The following FAT3 variants were observed in gnomAD, a reference collection of about 807,000 sequenced individuals.
FAT3 encodes FAT atypical cadherin 3, also known as protocadherin Fat 3.
FAT3 carries 95 observed loss-of-function variants against 310.2 expected under a neutral mutation model. The observed-to-expected ratio is 0.31, with a 90% CI of 0.26 to 0.36. The LOEUF (loss-of-function observed/expected upper bound fraction) is 0.36, where lower values mean the gene tolerates loss of function less well. FAT3 is among the 10% of genes least tolerant of loss of function. The probability of loss-of-function intolerance (pLI) is 1.00; values close to 1 mark genes in which losing one functional copy is unlikely to be tolerated. For missense variants in FAT3, 5,408 were observed against 5,715.6 expected (o/e 0.95, Z 1.74); for synonymous variants, 2,314 against 2,192.9 (o/e 1.06, Z -1.54).
At chr11:92,512,227 A>T (rs576330876) in intron 2 of FAT3, among the ~76,000 whole-genome samples, 3 of 152,078 alleles carry the variant, frequency 2.0e-5, no homozygotes, top group Admixed American at 6.6e-5. Context: ...TATAATATAG[A>T]CAGAGTTGCC....
intron 3 of FAT3, among the ~76,000 whole-genome samples, chr11:92,646,009 A>G (rs1942148979): frequency 6.6e-6 from 1 of 152,198 alleles, no homozygotes; most frequent in African/African-American, 2.4e-5. Flanking sequence ...GATGCTTATG[A>G]CTGATTTGCT....
intron 3 of FAT3, among the ~76,000 whole-genome samples, chr11:92,632,581 G>T (rs569069005): frequency 6.6e-6 from 1 of 152,344 alleles, no homozygotes; most frequent in South Asian, 2.1e-4. Flanking sequence ...CAGAAGGTGA[G>T]GCCTCCTTGG....
At chr11:92,577,520 G>A (rs946588875) in intron 3 of FAT3, among the ~76,000 whole-genome samples, 1 of 151,970 alleles carries the variant, frequency 6.6e-6, no homozygotes, top group East Asian at 1.9e-4. Context: ...TCAAATCAGG[G>A]TAATTAGCAT....
At position 92,801,626 on chromosome 11, in the gene FAT3, C is replaced by T. The variant is rs751925477; in HGVS notation, c.8613C>T (p.Asn2871=). The change falls in exon 10 of 28, where the codon AAC becomes AAT. Residue 2871 remains asparagine (N), a synonymous_variant. Coordinates refer to ENST00000525166, the MANE Select transcript of FAT3 (RefSeq NM_001367949.2). The part of the protein sequence containing the change: ...KVMEAFNIDS[N]TGWISTLKDL... ...TGGAAGCATTCAATATTGACAGCAA[C>T]ACGGGCTGGATCAGTACCTTGAAGG... 1.2e-6 allele frequency: 2 copies of T among 1,613,708 alleles called. No homozygotes were observed. Among genetic ancestry groups the T allele is most frequent in the Admixed American group, 1.7e-5 (1 of 59,992 alleles).
At position 92,844,468 on chromosome 11, in the gene FAT3, A is replaced by G. The variant is rs1045969850; in HGVS notation, c.11101A>G (p.Met3701Val). ...CGTGGCAGGCACCAACCAACTGGAC[A>G]TGCTGTTTGCGGTGGAGATGCACAG... Reference protein sequence around the residue: ...QPVAGTNQLDMLFAVEMHSSE... With the variant: ...QPVAGTNQLDVLFAVEMHSSE... Residue 3701 changes from methionine (M) to valine (V), a missense_variant, in exon 19 of 28, where the codon ATG (methionine) becomes GTG (valine). Around this residue, in one of 5 missense-constraint regions of FAT3, gnomAD observed 4,588 missense variants for 4,809.8 expected, o/e 0.95. Transcript: ENST00000525166. 4 of 1,613,882 alleles carry G rather than the reference A, an allele frequency of 2.5e-6. No individual in the cohort carries two copies. The highest frequency in any genetic ancestry group is 1.6e-4 in the Middle Eastern group (1 of 6,084).
At chr11:92,754,590 T>G (rs1405155708) in intron 4 of FAT3, among the ~76,000 whole-genome samples, 1 of 121,978 alleles carries the variant, frequency 8.2e-6, no homozygotes, top group Non-Finnish European at 1.6e-5. Flanking sequence ...ATAGCACCAT[T>G]GCACTCCAGC....
At chr11:92,235,809 TAAGC>T (rs1179701079) in intron 1 of FAT3, among the ~76,000 whole-genome samples, 1 of 152,236 alleles carries the variant, frequency 6.6e-6, no homozygotes, top group Non-Finnish European at 1.5e-5. Flanking sequence ...CTGTATGTTC[TAAGC>T]AAGTGTTGGG....
intron 4 of FAT3, among the ~76,000 whole-genome samples, chr11:92,700,362 T>C (rs1944061790): frequency 6.6e-6 from 1 of 152,020 alleles, no homozygotes; most frequent in Non-Finnish European, 1.5e-5. Context: ...CTGAGTGCAG[T>C]GGAAAGCCTT....
intron 3 of FAT3, among the ~76,000 whole-genome samples, chr11:92,671,481 T>G (rs1047596086): frequency 6.6e-6 from 1 of 152,026 alleles, no homozygotes; most frequent in African/African-American, 2.4e-5. Context: ...CCTAGAACAT[T>G]TGCCCCCGTC....
chr11:92,671,736 C>G (rs1333775312), intron 3 of FAT3, among the ~76,000 whole-genome samples: 1 of 152,140 alleles, frequency 6.6e-6, no homozygotes, highest in East Asian at 1.9e-4. Context: ...TTTTGCTCTT[C>G]ATTATATCCC....
chr11:92,827,809 G>A (rs1008469295), intron 13 of FAT3, among the ~76,000 whole-genome samples: 1 of 152,090 alleles, frequency 6.6e-6, no homozygotes, highest in African/African-American at 2.4e-5. Flanking sequence ...CTTTCTTTGA[G>A]CAAAAGGGAT....
At chr11:92,307,827 A>C (rs1291210970) in intron 1 of FAT3, among the ~76,000 whole-genome samples, 1 of 152,190 alleles carries the variant, frequency 6.6e-6, no homozygotes. Context: ...TTGCCTAAAA[A>C]TTATTTAAAC....
chr11:92,672,401 G>C (rs1027140468), intron 3 of FAT3, among the ~76,000 whole-genome samples: 4 of 152,200 alleles, frequency 2.6e-5, no homozygotes, highest in Admixed American at 1.3e-4. Context: ...GGACTTTGCA[G>C]TGTTTCCAGA....
chr11:92,448,743 A>T (rs1252147381), intron 2 of FAT3, among the ~76,000 whole-genome samples: 1 of 152,190 alleles, frequency 6.6e-6, no homozygotes, highest in African/African-American at 2.4e-5. Flanking sequence ...GGGAAAACAG[A>T]ACTGGTGCTT....
chr11:92,432,942 G>C (rs569362527), intron 2 of FAT3, among the ~76,000 whole-genome samples: 6 of 152,330 alleles, frequency 3.9e-5, no homozygotes, highest in African/African-American at 1.2e-4. Flanking sequence ...CCAGAGAGGA[G>C]GAATCTAGAG....
At chr11:92,498,139 G>A (rs1424914100) in intron 2 of FAT3, 1 of 153,912 alleles carries the variant, frequency 6.5e-6, no homozygotes, top group African/African-American at 2.4e-5. Flanking sequence ...TTAAAAGTCT[G>A]AACTTTAAAA....
At chr11:92,679,155 A>G (rs1935907217) in intron 3 of FAT3, among the ~76,000 whole-genome samples, 2 of 152,104 alleles carry the variant, frequency 1.3e-5, no homozygotes, top group African/African-American at 2.4e-5. Flanking sequence ...GCTGAATAGT[A>G]TTCCATTGTG....
chr11:92,684,108 G>A (rs994212487), intron 3 of FAT3, among the ~76,000 whole-genome samples: 3 of 152,130 alleles, frequency 2.0e-5, no homozygotes, highest in Non-Finnish European at 4.4e-5. Context: ...ACAGCCATTT[G>A]TTCAGAAGAT....
chr11:92,557,449 C>T (rs555466408), intron 3 of FAT3, among the ~76,000 whole-genome samples: 3 of 152,286 alleles, frequency 2.0e-5, no homozygotes, highest in East Asian at 3.9e-4. Context: ...GACAAGATTT[C>T]GTGGTGCAGT....
Sources: gnomAD v4.1 joint callset for allele counts (sites outside exome capture counted in the v4.1 genomes callset) on GRCh38, gnomAD v4.1.1 for gene constraint, gnomAD v4.1.1 regional missense constraint, MANE v1.5 for transcripts, NCBI Gene and HGNC (gene_info 2026-07-23, HGNC 2026-07-21) for gene names.